Variants in ST6GALNAC3 observed in about 807,000 individuals in gnomAD.
The protein encoded by ST6GALNAC3 is ST6 N-acetylgalactosaminide alpha-2,6-sialyltransferase 3.
A neutral mutation model predicts 32.7 loss-of-function variants in ST6GALNAC3; 25 were observed. That is an observed-to-expected ratio of 0.76 (90% confidence interval 0.56 to 1.07). The LOEUF (loss-of-function observed/expected upper bound fraction) is 1.07, where lower values mean the gene tolerates loss of function less well. ST6GALNAC3 is among the 50% of genes least tolerant of loss of function. The pLI, the probability that ST6GALNAC3 is intolerant of heterozygous loss-of-function variation, is 0.00. For missense variants in ST6GALNAC3, 355 were observed against 382.4 expected, an observed-to-expected ratio of 0.93 and a Z score of 0.60; for synonymous variants, 129 against 133.1, an observed-to-expected ratio of 0.97 and a Z score of 0.21.
chr1:76,123,352 C>G (rs1649014500), intron 1 of ST6GALNAC3, among the ~76,000 whole-genome samples: 1 of 145,936 alleles, frequency 6.9e-6, no homozygotes, highest in Admixed American at 7.1e-5. Flanking sequence ...GCACTCCAGC[C>G]TGGGTGACAG....
At position 76,450,721 on chromosome 1, in the gene ST6GALNAC3, G is replaced by T. The variant is rs139824423; in HGVS notation, c.623+38304G>T. Among the ~76,000 whole-genome samples, 496 of 152,190 alleles carry T rather than the reference G, an allele frequency of 3.3e-3. 2 individuals are homozygous for T. The highest frequency in any genetic ancestry group is 0.011 in the African/African-American group (457 of 41,542). On this transcript the variant is annotated intron_variant, in intron 3 of 4. Transcript: ENST00000328299. ...ATAAATGCTTGAGCCATCTTGAGTC[G>T]ATTTTTGTAAAGTAAGAGATGAGGA...
chr1:76,622,528 TG>T (rs1648713462), intron 3 of ST6GALNAC3, among the ~76,000 whole-genome samples: 1 of 151,822 alleles, frequency 6.6e-6, no homozygotes, highest in Admixed American at 6.6e-5. Flanking sequence ...GAATAGGCCC[TG>T]GGGAGTCAAG....
chr1:76,449,325 C>G (rs1657217987), intron 3 of ST6GALNAC3, among the ~76,000 whole-genome samples: 1 of 152,222 alleles, frequency 6.6e-6, no homozygotes, highest in Non-Finnish European at 1.5e-5. Flanking sequence ...CATCCACATA[C>G]TGAAGGGCAT....
chr1:76,304,894 T>G (rs1660950874), intron 1 of ST6GALNAC3, among the ~76,000 whole-genome samples: 1 of 151,998 alleles, frequency 6.6e-6, no homozygotes, highest in Non-Finnish European at 1.5e-5. Context: ...AGAGACAAAC[T>G]CATCTCGTTT....
intron 1 of ST6GALNAC3, among the ~76,000 whole-genome samples, chr1:76,094,073 A>G (rs193244733): frequency 7.9e-5 from 12 of 152,296 alleles, no homozygotes; most frequent in Middle Eastern, 3.4e-3. Flanking sequence ...CCTGACAGTC[A>G]CTGCAGGGCA....
At chr1:76,174,301 G>A (rs1194373194) in intron 1 of ST6GALNAC3, among the ~76,000 whole-genome samples, 1 of 152,094 alleles carries the variant, frequency 6.6e-6, no homozygotes, top group Non-Finnish European at 1.5e-5. Flanking sequence ...GGAACAATGT[G>A]CACTAAGGCT....
In ST6GALNAC3 at chr1:76,610,335, T is replaced by G. The variant is rs1420688859; in HGVS notation, c.624-17117T>G. Among the ~76,000 whole-genome samples, 3 of 152,214 alleles carry G rather than the reference T, an allele frequency of 2.0e-5. No homozygotes were observed. The East Asian group carries it at 5.8e-4, about 29-fold the overall frequency. On this transcript the variant is annotated intron_variant, in intron 3 of 4. Transcript: ENST00000328299. ...TCTTTGTGGGTAAACATGATTGCTC[T>G]TTGCCCCAAACGGTTGACGGTTCAG...
chr1:76,479,814 A>T (rs1659606832), intron 3 of ST6GALNAC3, among the ~76,000 whole-genome samples: 1 of 152,212 alleles, frequency 6.6e-6, no homozygotes, highest in Non-Finnish European at 1.5e-5. Flanking sequence ...ATTTATCATT[A>T]TACTGGTCAA....
intron 3 of ST6GALNAC3, among the ~76,000 whole-genome samples, chr1:76,541,569 A>G (rs1460835881): frequency 2.6e-5 from 4 of 152,216 alleles, no homozygotes; most frequent in African/African-American, 9.6e-5. Flanking sequence ...CCACCTTTCC[A>G]GGAGCATCTG....
intron 3 of ST6GALNAC3, among the ~76,000 whole-genome samples, chr1:76,557,118 GA>G (rs1235505123): frequency 2.0e-5 from 3 of 151,942 alleles, no homozygotes; most frequent in African/African-American, 7.2e-5. Context: ...ACCAGATGTT[GA>G]AAAAATTACC....
intron 2 of ST6GALNAC3, 41 bp downstream of exon 2, chr1:76,314,040 A>G: frequency 3.8e-6 from 6 of 1,574,538 alleles, no homozygotes; most frequent in Non-Finnish European, 4.3e-6. Flanking sequence ...GAGAGTATCC[A>G]TGGTAACAGC....
In ST6GALNAC3 at chr1:76,511,477, G is replaced by A. The variant is rs548197698; in HGVS notation, c.623+99060G>A. On this transcript the variant is annotated intron_variant, in intron 3 of 4. Coordinates refer to ENST00000328299, the MANE Select transcript of ST6GALNAC3 (RefSeq NM_152996.4). The stretch of plus-strand genomic sequence containing the variant: ...CTCACATCCCTAGCCTGTGTGCGGT[G>A]CCCCTCCCCTTTCCTCCCACAGTGA... 5.3e-5 allele frequency among the ~76,000 whole-genome samples: 8 copies of A among 152,254 alleles called. No individual in the cohort carries two copies. The South Asian group carries it at 1.7e-3, about 32-fold the overall frequency.
chr1:76,442,359 C>G (rs766286615), intron 3 of ST6GALNAC3, among the ~76,000 whole-genome samples: 7 of 152,150 alleles, frequency 4.6e-5, no homozygotes, highest in Non-Finnish European at 7.3e-5. Flanking sequence ...AAACCTGATG[C>G]CTCCCAAGTA....
intron 1 of ST6GALNAC3, among the ~76,000 whole-genome samples, chr1:76,223,943 A>T (rs1323507057): frequency 6.6e-6 from 1 of 152,146 alleles, no homozygotes; most frequent in African/African-American, 2.4e-5. Flanking sequence ...TGTGTAGAGG[A>T]TCCAGAGTTT....
intron 1 of ST6GALNAC3, among the ~76,000 whole-genome samples, chr1:76,227,481 T>C (rs1656141028): frequency 6.6e-6 from 1 of 152,220 alleles, no homozygotes; most frequent in Admixed American, 6.5e-5. Flanking sequence ...TTTGTATCTT[T>C]ATCACCAACT....
At chr1:76,372,371 C>CGT (rs1650897187) in intron 2 of ST6GALNAC3, among the ~76,000 whole-genome samples, 1 of 151,974 alleles carries the variant, frequency 6.6e-6, no homozygotes, top group African/African-American at 2.4e-5. Flanking sequence ...TGCACACACA[C>CGT]GCGCACACAC....
chr1:76,436,835 T>C (rs1656179288), intron 3 of ST6GALNAC3, among the ~76,000 whole-genome samples: 1 of 152,106 alleles, frequency 6.6e-6, no homozygotes, highest in African/African-American at 2.4e-5. Flanking sequence ...AGGATAATAT[T>C]CAACACATTT....
chr1:76,126,649 G>A (rs1484643712), intron 1 of ST6GALNAC3, among the ~76,000 whole-genome samples: 2 of 152,146 alleles, frequency 1.3e-5, no homozygotes, highest in Non-Finnish European at 2.9e-5. Context: ...TGGATTCAGA[G>A]CCATAAGTTT....
intron 1 of ST6GALNAC3, among the ~76,000 whole-genome samples, chr1:76,219,708 C>T (rs371919755): frequency 3.2e-4 from 49 of 152,288 alleles, no homozygotes; most frequent in African/African-American, 1.2e-3. Context: ...GTGGATGTGT[C>T]ATATCACATA....
Sources: gnomAD v4.1 joint callset for allele counts (sites outside exome capture counted in the v4.1 genomes callset) on GRCh38, gnomAD v4.1.1 for gene constraint, MANE v1.5 for transcripts, NCBI Gene and HGNC (gene_info 2026-07-23, HGNC 2026-07-21) for gene names.